Variants in EFEMP1 observed in about 807,000 individuals in gnomAD.
EFEMP1 encodes EGF-containing fibulin-like extracellular matrix protein 1.
Under a neutral mutation model 65.7 loss-of-function variants are expected in EFEMP1, and 18 were observed. The ratio of observed to expected loss-of-function variants is 0.27; its 90% CI spans 0.19 to 0.41. The LOEUF (loss-of-function observed/expected upper bound fraction) is 0.41, where lower values mean the gene tolerates loss of function less well. Ranked by LOEUF, EFEMP1 falls within the 10% of genes least tolerant of loss-of-function variation. The probability of loss-of-function intolerance (pLI) is 1.00; values close to 1 mark genes in which losing one functional copy is unlikely to be tolerated. For synonymous variants in EFEMP1, 237 were observed against 219.7 expected (o/e 1.08, Z -0.70); for missense variants, 469 against 624.8 (o/e 0.75, Z 2.66).
At chr2:55,906,400 T>A (rs1670277841) in intron 5 of EFEMP1, among the ~76,000 whole-genome samples, 1 of 152,062 alleles carries the variant, frequency 6.6e-6, no homozygotes, top group Non-Finnish European at 1.5e-5. Context: ...ATTTTTGTAT[T>A]TTTAGTAGGG....
At chr2:55,874,865 A>G (rs1668964423) in intron 9 of EFEMP1, 81 bp downstream of exon 9, 6 of 1,469,462 alleles carry the variant, frequency 4.1e-6, no homozygotes, top group African/African-American at 2.8e-5. Flanking sequence ...ATGAAAGTCT[A>G]TAGGAGAATC....
rs55778215 is a variant in EFEMP1 at position 55,874,884 on chromosome 2, T to C, written c.1000+62A>G. The C allele has an allele frequency of 0.14, 218,563 of 1,538,064 alleles. 17,997 individuals carry two copies. Among genetic ancestry groups the C allele is most frequent in the South Asian group, 0.29 (25,578 of 88,072 alleles). On this transcript the variant is annotated intron_variant, in intron 9 of 11. Coordinates refer to ENST00000355426, the MANE Select transcript of EFEMP1 (RefSeq NM_001039348.3). ...AAGTCTATAGGAGAATCCTATAACTTCCTCTTGTCTCTTCCTGGCTAAAAC... is the reference window on the plus strand; with the variant it reads ...AAGTCTATAGGAGAATCCTATAACTCCCTCTTGTCTCTTCCTGGCTAAAAC...
chr2:55,922,416 T>C lies in EFEMP1; in HGVS notation c.25A>G (p.Met9Val), dbSNP rs1670935613. The change falls in exon 3 of 12, where the codon ATG becomes GTG. Residue 9 changes from methionine (M) to valine (V), a missense_variant. By Grantham distance (21) the Met-to-Val change is conservative. Around this residue, in one of 3 missense-constraint regions of EFEMP1, gnomAD observed 66 missense variants for 73.0 expected, o/e 0.90. Transcript: ENST00000355426. This position sits in a 1 kb window ranked among gnomAD's most constrained non-coding sequence, Gnocchi z 5.5. ...GACTTGACCAGCGCCAGAGTCAGCA[T>C]AGTTAGGAAAAGGGCTTTCAACATT... MLKALFLTMLTLALVKSQD... is the reference protein window; with the variant it reads MLKALFLTVLTLALVKSQD... The C allele has an allele frequency of 1.2e-6, 2 of 1,613,908 alleles. No individual in the cohort carries two copies. Among genetic ancestry groups the C allele is most frequent in the South Asian group, 1.1e-5 (1 of 91,076 alleles).
At chr2:55,879,743 ATGGG>A (rs1409725412) in intron 6 of EFEMP1, among the ~76,000 whole-genome samples, 1 of 152,196 alleles carries the variant, frequency 6.6e-6, no homozygotes, top group African/African-American at 2.4e-5. Context: ...CTGCTGGTTC[ATGGG>A]CTATTTGGAC....
rs146941628 is a variant in EFEMP1, at chr2:55,919,390, TG to T, written c.82-1124del. Among the ~76,000 whole-genome samples the T allele has an allele frequency of 0.019, 2,962 of 152,284 alleles. 51 individuals are homozygous for T. Among genetic ancestry groups the T allele is most frequent in the South Asian group, 0.097 (467 of 4,822 alleles). ...CCCAAAGGATTTGATTCTGTAGGTC[TG>T]GGTAGGGGGCCTGGAATCTAAATTC... On this transcript the variant is annotated intron_variant, in intron 3 of 11. Transcript: ENST00000355426. The surrounding 1 kb of genome is among the most constrained non-coding windows in gnomAD (Gnocchi z 4.5).
chr2:55,910,374 G>A (rs1670437593), intron 5 of EFEMP1, among the ~76,000 whole-genome samples: 1 of 152,138 alleles, frequency 6.6e-6, no homozygotes, highest in Admixed American at 6.6e-5. Flanking sequence ...AAAGCAACAT[G>A]CTAATGAATT....
chr2:55,876,828 C>T (rs1324191813), intron 7 of EFEMP1, 86 bp from the exon 8 acceptor site: 7 of 803,022 alleles, frequency 8.7e-6, no homozygotes, highest in Non-Finnish European at 1.2e-5. Context: ...TATCCTTACT[C>T]TTTTGTACCT....
At chr2:55,894,292 T>A (rs1236016644) in intron 5 of EFEMP1, among the ~76,000 whole-genome samples, 1 of 152,232 alleles carries the variant, frequency 6.6e-6, no homozygotes, top group Admixed American at 6.5e-5. Flanking sequence ...TTTATTTTTT[T>A]GAGAATGTTA....
intron 5 of EFEMP1, among the ~76,000 whole-genome samples, chr2:55,910,201 CTTCA>C (rs1207391884): frequency 1.3e-5 from 2 of 152,160 alleles, no homozygotes; most frequent in East Asian, 3.8e-4. Context: ...CATTTATTCA[CTTCA>C]TTTTTATTAA....
chr2:55,916,126 T>G lies in EFEMP1; in HGVS notation c.517+1539A>C, dbSNP rs112576123. Among the ~76,000 whole-genome samples, 9 of 151,478 alleles carry G rather than the reference T, an allele frequency of 5.9e-5. No individual in the cohort carries two copies. In the South Asian group the frequency reaches 1.5e-3, roughly 25 times the overall value. On this transcript the variant is annotated intron_variant, in intron 5 of 11. Coordinates refer to ENST00000355426, the MANE Select transcript of EFEMP1 (RefSeq NM_001039348.3). ...TCCTTCATTTTTTTTTTTTTTTTTT[T>G]TGAGACAGAGTCTCACTCTGTTGCC...
At chr2:55,908,024 C>T (rs925518702) in intron 5 of EFEMP1, among the ~76,000 whole-genome samples, 1 of 152,162 alleles carries the variant, frequency 6.6e-6, no homozygotes, top group Admixed American at 6.5e-5. Flanking sequence ...AATGGGCTCT[C>T]AGTAAGCTCT....
chr2:55,892,242 A>G (rs1031079901), intron 5 of EFEMP1, among the ~76,000 whole-genome samples: 1 of 152,186 alleles, frequency 6.6e-6, no homozygotes, highest in African/African-American at 2.4e-5. Flanking sequence ...TAAGTTTCTC[A>G]GAAAATACAT....
chr2:55,883,913 A>G lies in EFEMP1; in HGVS notation c.518-2179T>C, dbSNP rs1669333999. On this transcript the variant is annotated intron_variant, in intron 5 of 11. Coordinates refer to ENST00000355426, the MANE Select transcript of EFEMP1 (RefSeq NM_001039348.3). The surrounding 1 kb of genome is among the most constrained non-coding windows in gnomAD (Gnocchi z 4.5). Reference sequence around the variant, plus strand: ...TAATAAAAACAAACAACAACAAAAAACAAATACCACTGTGCTCACTGCCAC... The same window carrying G: ...TAATAAAAACAAACAACAACAAAAAGCAAATACCACTGTGCTCACTGCCAC... Among the ~76,000 whole-genome samples the G allele has an allele frequency of 6.6e-6, 1 of 152,152 alleles. No individual in the cohort carries two copies. Among genetic ancestry groups the G allele is most frequent in the Non-Finnish European group, 1.5e-5 (1 of 68,026 alleles).
At chr2:55,902,958 T>A (rs911426903) in intron 5 of EFEMP1, among the ~76,000 whole-genome samples, 1 of 152,232 alleles carries the variant, frequency 6.6e-6, no homozygotes, top group African/African-American at 2.4e-5. Flanking sequence ...TTTCTCTCTG[T>A]CTCTTTCTCT....
At chr2:55,875,131 T>G (rs918987425) in intron 8 of EFEMP1, 66 bp from the exon 9 acceptor site, 6 of 653,540 alleles carry the variant, frequency 9.2e-6, no homozygotes, top group Non-Finnish European at 1.3e-5. Context: ...TTTGGATATA[T>G]ATATATATAT....
rs1175200672 is a variant in EFEMP1 at position 55,918,208 on chromosome 2, A to G, written c.130+11T>C. The G allele has an allele frequency of 6.2e-7, 1 of 1,614,096 alleles. No homozygotes were observed. The highest frequency in any genetic ancestry group is 8.5e-7 in the Non-Finnish European group (1 of 1,180,044). On this transcript the variant is annotated intron_variant, in intron 4 of 11. Coordinates refer to ENST00000355426, the MANE Select transcript of EFEMP1 (RefSeq NM_001039348.3). ...GCAATGATCACATGGAAGTCTTTGA[A>G]GCTGGCTCACCTTTGCATTGCTGTC...
chr2:55,905,673 T>A (rs991908763), intron 5 of EFEMP1, among the ~76,000 whole-genome samples: 6 of 152,156 alleles, frequency 3.9e-5, no homozygotes, highest in African/African-American at 1.2e-4. Context: ...GGTCTGGAAC[T>A]CCCGACCTCA....
At chr2:55,868,284 G>A (rs1037027822) in intron 11 of EFEMP1, among the ~76,000 whole-genome samples, 3 of 152,110 alleles carry the variant, frequency 2.0e-5, no homozygotes, top group African/African-American at 7.2e-5. Context: ...TCTGCTATGT[G>A]CCAGGTACCA....
At chr2:55,891,604 C>G (rs1669630451) in intron 5 of EFEMP1, among the ~76,000 whole-genome samples, 1 of 152,058 alleles carries the variant, frequency 6.6e-6, no homozygotes, top group Admixed American at 6.5e-5. Flanking sequence ...CCTTTACAAT[C>G]TATCTCCCAA....
Sources: gnomAD v4.1 joint callset for allele counts (sites outside exome capture counted in the v4.1 genomes callset) on GRCh38, gnomAD v4.1.1 for gene constraint, gnomAD v4.1.1 regional missense constraint, Gnocchi (gnomAD v3.1) non-coding constraint, MANE v1.5 for transcripts, NCBI Gene and HGNC (gene_info 2026-07-23, HGNC 2026-07-21) for gene names.